The following GBE1 variants were observed in gnomAD, a reference collection of about 807,000 sequenced individuals.
GBE1 encodes 1,4-alpha-glucan branching enzyme 1.
GBE1 carries 70 observed loss-of-function variants against 88.8 expected under a neutral mutation model. That is an observed-to-expected ratio of 0.79 (90% CI 0.65 to 0.96). GBE1 has a LOEUF of 0.96. Among genes scored for constraint, GBE1 ranks in the 40% least tolerant of loss-of-function variants. The pLI is 0.00. For synonymous variants in GBE1, 284 were observed against 300.1 expected (o/e 0.95, Z 0.56); for missense variants, 872 against 871.0 (o/e 1.00, Z -0.01).
chr3:81,674,192 T>C (rs1705224007), intron 2 of GBE1, among the ~76,000 whole-genome samples: 1 of 151,864 alleles, frequency 6.6e-6, no homozygotes. Context: ...CTTCTTTCCA[T>C]TAAAAACATG....
chr3:81,751,308 T>C (rs749826365), intron 1 of GBE1, among the ~76,000 whole-genome samples: 41 of 152,342 alleles, frequency 2.7e-4, no homozygotes, highest in Middle Eastern at 3.4e-3. Context: ...TTTCATCTTC[T>C]GCCAGATGTA....
At chr3:81,525,480 G>C (rs1393491253) in intron 14 of GBE1, among the ~76,000 whole-genome samples, 2 of 152,024 alleles carry the variant, frequency 1.3e-5, no homozygotes, top group Non-Finnish European at 2.9e-5. Flanking sequence ...AGGGATATTG[G>C]TCTAAAATTC....
At chr3:81,734,460 A>G (rs1285835161) in intron 1 of GBE1, among the ~76,000 whole-genome samples, 1 of 152,238 alleles carries the variant, frequency 6.6e-6, no homozygotes, top group African/African-American at 2.4e-5. Flanking sequence ...ATTTGAACAC[A>G]GTATTAAATT....
At chr3:81,559,633 G>A (rs930097505) in intron 12 of GBE1, among the ~76,000 whole-genome samples, 7 of 151,838 alleles carry the variant, frequency 4.6e-5, no homozygotes, top group South Asian at 2.1e-4. Context: ...TCACCCCGCC[G>A]AGAATGCACA....
chr3:81,616,037 C>T (rs1384022455), intron 7 of GBE1, among the ~76,000 whole-genome samples: 1 of 152,022 alleles, frequency 6.6e-6, no homozygotes, highest in Non-Finnish European at 1.5e-5. Context: ...TTTTCATCTG[C>T]TTATTGGCCA....
intron 12 of GBE1, among the ~76,000 whole-genome samples, chr3:81,552,895 C>CA (rs563239428): frequency 6.6e-6 from 1 of 152,096 alleles, no homozygotes; most frequent in Non-Finnish European, 1.5e-5. Flanking sequence ...ATAATCTTCA[C>CA]AAAAACCCTT....
intron 2 of GBE1, among the ~76,000 whole-genome samples, chr3:81,680,963 C>T (rs996131587): frequency 1.8e-4 from 28 of 152,268 alleles, no homozygotes; most frequent in Non-Finnish European, 8.8e-5. Context: ...AGAAGCCATC[C>T]AGTCTGTGCT....
chr3:81,590,107 A>G (rs531195442), intron 9 of GBE1, among the ~76,000 whole-genome samples: 1 of 152,198 alleles, frequency 6.6e-6, no homozygotes, highest in East Asian at 1.9e-4. Context: ...TCCTCTATCC[A>G]AGCGGTGAAA....
chr3:81,761,509 A>C lies in GBE1; in HGVS notation c.9T>G (p.Ala3=), dbSNP rs1230662606. The change falls in exon 1 of 16, where the codon GCT becomes GCG. Residue 3 remains alanine (A), a synonymous_variant. Coordinates refer to ENST00000429644, the MANE Select transcript of GBE1 (RefSeq NM_000158.4). MA[A]PMTPAARPED... ...CGGGCCGAGCCGCGGGAGTCATCGG[A>C]GCCGCCATATTCCGCCGCAGTCCAA... 1.2e-6 allele frequency: 2 copies of C among 1,602,512 alleles called. No homozygotes were observed. The highest frequency in any genetic ancestry group is 3.4e-5 in the Admixed American group (2 of 58,490).
At position 81,550,302 on chromosome 3, in the gene GBE1, G is replaced by A. The variant is rs370209473; in HGVS notation, c.1619-13207C>T. Among the ~76,000 whole-genome samples, 55 of 151,298 alleles carry A rather than the reference G, an allele frequency of 3.6e-4. 2 individuals carry two copies. The highest frequency in any genetic ancestry group is 1.1e-3 in the African/African-American group (44 of 41,428). ...TTTCAGCACTCAATAGTTACGAATG[G>A]CTATCACCATACCAATGCTTTCTGA... On this transcript the variant is annotated intron_variant, in intron 12 of 15. Transcript: ENST00000429644.
chr3:81,691,950 G>C (rs567593057), intron 2 of GBE1, among the ~76,000 whole-genome samples: 85 of 152,188 alleles, frequency 5.6e-4, no homozygotes, highest in Non-Finnish European at 7.4e-4. Context: ...TGACGGACAG[G>C]AGCCAAGGGC....
In GBE1 at chr3:81,761,622, G is replaced by T; in HGVS notation, c.-105C>A. ...GGCGGCTAGGGCGGAGCCGGAGGGC[G>T]CCTAGGCGTGTCGAGGCAAGCCGAG... is the stretch of plus-strand genomic sequence containing the variant. On this transcript the variant is annotated 5_prime_UTR_variant, in exon 1 of 16. Coordinates refer to ENST00000429644, the MANE Select transcript of GBE1 (RefSeq NM_000158.4). 1.4e-6 allele frequency: 2 copies of T among 1,403,924 alleles called. No homozygotes were observed. Among genetic ancestry groups the T allele is most frequent in the Non-Finnish European group, 9.5e-7 (1 of 1,052,564 alleles). 87.0% of individuals were successfully genotyped at this position (1,403,924 alleles called of 1,614,324 possible).
At chr3:81,748,236 G>T (rs1210358490) in intron 1 of GBE1, among the ~76,000 whole-genome samples, 7 of 152,210 alleles carry the variant, frequency 4.6e-5, no homozygotes, top group Admixed American at 1.3e-4. Flanking sequence ...TACTTTAAAA[G>T]ATCTTTAAAT....
chr3:81,665,522 C>A (rs1416572647), intron 3 of GBE1, among the ~76,000 whole-genome samples: 2 of 139,574 alleles, frequency 1.4e-5, no homozygotes, highest in African/African-American at 2.7e-5. Context: ...GGGGACACAG[C>A]GAGACTCCGT....
intron 1 of GBE1, among the ~76,000 whole-genome samples, chr3:81,754,344 C>T (rs796197237): frequency 3.0e-4 from 46 of 151,892 alleles, no homozygotes; most frequent in African/African-American, 8.4e-4. Flanking sequence ...TCCATGTTTA[C>T]GGATTAGAAG....
chr3:81,692,021 T>C (rs1705528420), intron 2 of GBE1, among the ~76,000 whole-genome samples: 1 of 152,156 alleles, frequency 6.6e-6, no homozygotes, highest in Admixed American at 6.5e-5. Flanking sequence ...CCTTCTCCTA[T>C]GGCTTTTCTC....
At chr3:81,589,978 T>C (rs1317940059) in intron 9 of GBE1, among the ~76,000 whole-genome samples, 2 of 151,992 alleles carry the variant, frequency 1.3e-5, no homozygotes, top group African/African-American at 4.8e-5. Flanking sequence ...GTCTAAATTG[T>C]ATGGTAGGTT....
rs1157481157 is a variant in GBE1, at chr3:81,545,042, G to A, written c.1619-7947C>T. 9.9e-5 allele frequency among the ~76,000 whole-genome samples: 15 copies of A among 152,186 alleles called. No homozygotes were observed. The East Asian group carries it at 2.1e-3, about 22-fold the overall frequency. ...TATAAAAATAATGTATAGTCCTAATGAGAATATAAAAACGTTAGCGCCTAC... is the reference window on the plus strand; with the variant it reads ...TATAAAAATAATGTATAGTCCTAATAAGAATATAAAAACGTTAGCGCCTAC... On this transcript the variant is annotated intron_variant, in intron 12 of 15. Coordinates refer to ENST00000429644, the MANE Select transcript of GBE1 (RefSeq NM_000158.4).
intron 10 of GBE1, among the ~76,000 whole-genome samples, chr3:81,585,267 C>A (rs1487751186): frequency 6.6e-6 from 1 of 152,052 alleles, no homozygotes; most frequent in African/African-American, 2.4e-5. Context: ...ATTATAGTAA[C>A]CACTTCCTTA....
Sources: gnomAD v4.1 joint callset for allele counts (sites outside exome capture counted in the v4.1 genomes callset) on GRCh38, gnomAD v4.1.1 for gene constraint, MANE v1.5 for transcripts, NCBI Gene and HGNC (gene_info 2026-07-23, HGNC 2026-07-21) for gene names.